PCDHA10: variants seen among roughly 807,000 people sequenced by gnomAD.
The protein encoded by PCDHA10 is protocadherin alpha 10.
Under a neutral mutation model 61.2 loss-of-function variants are expected in PCDHA10, and 45 were observed. The ratio of observed to expected loss-of-function variants is 0.74; its 90% CI spans 0.58 to 0.94. PCDHA10 has a LOEUF of 0.94. Ranked by LOEUF, PCDHA10 falls within the 40% of genes least tolerant of loss-of-function variation. The pLI is 0.00. For synonymous variants in PCDHA10, 602 were observed against 548.8 expected, an observed-to-expected ratio of 1.10 and a Z score of -1.35; for missense variants, 1,278 against 1,236.2, an observed-to-expected ratio of 1.03 and a Z score of -0.51.
chr5:140,977,841 A>G lies in PCDHA10; in HGVS notation c.2389-1108A>G, dbSNP rs76111417. On this transcript the variant is annotated intron_variant, in intron 1 of 3. Transcript: ENST00000307360. The stretch of plus-strand genomic sequence containing the variant: ...TTTTGAATGGTCTATTGATATTACT[A>G]TGGCTTTGTTTCTACCAAATATGGT... Among the ~76,000 whole-genome samples the G allele has an allele frequency of 8.3e-3, 1,257 of 152,348 alleles. 23 individuals carry two copies. Among genetic ancestry groups the G allele is most frequent in the African/African-American group, 0.028 (1,184 of 41,574 alleles).
In PCDHA10 at chr5:140,875,869, T is replaced by C. The variant is rs2055890630; in HGVS notation, c.2388+17433T>C. ...GGACATTAACGACAACCCGCCGGTG[T>C]TCAGAGAAAGGGAACAAAAGGTACC... On this transcript the variant is annotated intron_variant, in intron 1 of 3. Coordinates refer to ENST00000307360, the MANE Select transcript of PCDHA10 (RefSeq NM_018901.4). 4.3e-6 allele frequency: 7 copies of C among 1,614,170 alleles called. No individual in the cohort carries two copies. The East Asian group carries it at 1.6e-4, about 36-fold the overall frequency.
intron 1 of PCDHA10, among the ~76,000 whole-genome samples, chr5:140,913,986 G>A (rs1326699020): frequency 1.3e-5 from 2 of 152,048 alleles, no homozygotes; most frequent in African/African-American, 4.8e-5. Context: ...GACTTGTATT[G>A]TGACTAGCAT....
chr5:140,993,134 A>G (rs2097542279), intron 3 of PCDHA10, among the ~76,000 whole-genome samples: 1 of 152,238 alleles, frequency 6.6e-6, no homozygotes, highest in African/African-American at 2.4e-5. Flanking sequence ...CTTCTGTTGC[A>G]ACAAGTATAA....
intron 1 of PCDHA10, chr5:140,870,868 G>A (rs550915753): frequency 1.2e-6 from 2 of 1,613,944 alleles, no homozygotes; most frequent in Non-Finnish European, 1.7e-6. Flanking sequence ...TGCGGGCCAC[G>A]TGGTGGCGAA....
chr5:140,919,198 A>G (rs545072839), intron 1 of PCDHA10, among the ~76,000 whole-genome samples: 8 of 152,268 alleles, frequency 5.3e-5, no homozygotes, highest in Admixed American at 3.9e-4. Flanking sequence ...TCCTTTTGTC[A>G]TTATAAAATG....
At chr5:140,977,589 G>A (rs567353301) in intron 1 of PCDHA10, among the ~76,000 whole-genome samples, 15 of 152,274 alleles carry the variant, frequency 9.9e-5, no homozygotes, top group Admixed American at 2.6e-4. Flanking sequence ...AGAGCAGTTA[G>A]CATGTGAGGA....
rs143363926 is a variant in PCDHA10 at position 140,919,499 on chromosome 5, C to T, written c.2389-59450C>T. Among the ~76,000 whole-genome samples the T allele has an allele frequency of 1.8e-4, 27 of 152,124 alleles. No homozygotes were observed. In the East Asian group the frequency reaches 5.2e-3, roughly 29 times the overall value. ...TGGATTTATGTTTGTTATTTTACTCCTTTTTCTATATGTTTTAATTCTCTT... is the reference window on the plus strand; with the variant it reads ...TGGATTTATGTTTGTTATTTTACTCTTTTTTCTATATGTTTTAATTCTCTT... On this transcript the variant is annotated intron_variant, in intron 1 of 3. Coordinates refer to ENST00000307360, the MANE Select transcript of PCDHA10 (RefSeq NM_018901.4).
intron 1 of PCDHA10, among the ~76,000 whole-genome samples, chr5:140,942,637 A>C (rs1175766630): frequency 6.6e-6 from 1 of 152,178 alleles, no homozygotes; most frequent in African/African-American, 2.4e-5. Context: ...AAAATGGCAA[A>C]AGAGATCTCA....
intron 1 of PCDHA10, chr5:140,877,542 A>G (rs782391639): frequency 1.9e-6 from 3 of 1,613,752 alleles, no homozygotes; most frequent in Non-Finnish European, 2.5e-6. Flanking sequence ...TGGATCCCGA[A>G]GCGGCTCTGG....
rs150463901 is a variant in PCDHA10, at chr5:140,882,560, C to A, written c.2388+24124C>A. 1.3e-3 allele frequency: 2,163 copies of A among 1,614,168 alleles called. 36 individuals carry two copies. Among genetic ancestry groups the A allele is most frequent in the Admixed American group, 1.6e-3 (95 of 60,010 alleles). ...GATCGACCGCGAGGAGCTGTGTGGG[C>A]GGAGCGCGGAGTGCAGCATCCACCT... On this transcript the variant is annotated intron_variant, in intron 1 of 3. Coordinates refer to ENST00000307360, the MANE Select transcript of PCDHA10 (RefSeq NM_018901.4).
At chr5:140,873,414 G>T (rs184525297) in intron 1 of PCDHA10, among the ~76,000 whole-genome samples, 57 of 152,118 alleles carry the variant, frequency 3.7e-4, no homozygotes, top group African/African-American at 1.2e-3. Flanking sequence ...TTAAAATTTT[G>T]TAAATTATTA....
intron 1 of PCDHA10, among the ~76,000 whole-genome samples, chr5:140,910,092 C>T (rs1554194118): frequency 6.6e-6 from 1 of 152,170 alleles, no homozygotes; most frequent in African/African-American, 2.4e-5. Context: ...GGGGAACCAG[C>T]CTCCCCTTCA....
At chr5:140,882,424 G>A in intron 1 of PCDHA10, 1 of 1,614,114 alleles carries the variant, frequency 6.2e-7, no homozygotes, top group Non-Finnish European at 8.5e-7. Context: ...CTCAGGACCT[G>A]GGGCTGGAGC....
intron 3 of PCDHA10, among the ~76,000 whole-genome samples, chr5:141,005,816 G>A (rs1295998009): frequency 1.3e-5 from 2 of 151,804 alleles, no homozygotes; most frequent in African/African-American, 4.8e-5. Context: ...AGCCAGGTAT[G>A]GTGGCCTGTA....
intron 3 of PCDHA10, among the ~76,000 whole-genome samples, chr5:140,998,062 C>A (rs2097795439): frequency 6.6e-6 from 1 of 152,176 alleles, no homozygotes; most frequent in Non-Finnish European, 1.5e-5. Flanking sequence ...TCATCATCAA[C>A]AGACTTAGCC....
At chr5:140,898,026 T>G (rs11167645) in intron 1 of PCDHA10, among the ~76,000 whole-genome samples, 49,476 of 151,852 alleles carry the variant, frequency 0.33, 8,303 homozygotes, top group East Asian at 0.53. Flanking sequence ...GCCCACTTTT[T>G]GATGGGGTTG....
intron 1 of PCDHA10, among the ~76,000 whole-genome samples, chr5:140,957,658 G>T (rs2095373813): frequency 6.6e-6 from 1 of 151,932 alleles, no homozygotes; most frequent in Non-Finnish European, 1.5e-5. Flanking sequence ...TTCAATCATG[G>T]AGTAAAAATT....
chr5:140,876,899 C>G (rs781884794), intron 1 of PCDHA10: 1 of 1,614,092 alleles, frequency 6.2e-7, no homozygotes, highest in South Asian at 1.1e-5. Context: ...CACATCTTCA[C>G]GGTGTCGGCA....
intron 1 of PCDHA10, among the ~76,000 whole-genome samples, chr5:140,975,438 A>T (rs1436743661): frequency 5.9e-5 from 9 of 152,234 alleles, no homozygotes; most frequent in African/African-American, 1.7e-4. Flanking sequence ...ACACCAGGAT[A>T]TAGGGATCTT....
Sources: allele counts gnomAD v4.1 joint callset (sites outside exome capture counted in the v4.1 genomes callset), GRCh38; gene constraint gnomAD v4.1.1; transcripts MANE v1.5; gene names NCBI Gene and HGNC (gene_info 2026-07-23, HGNC 2026-07-21).